EYS: variants seen among roughly 807,000 people sequenced by gnomAD.
EYS encodes the protein EGF-like photoreceptor maintenance factor.
In EYS, 250 loss-of-function variants were observed where a neutral mutation model predicts 282.1. The observed-to-expected ratio is 0.89, with a 90% CI of 0.80 to 0.98. The LOEUF is 0.98. Ranked by LOEUF, EYS falls within the 50% of genes least tolerant of loss-of-function variation. EYS has a pLI of 0.00. For missense variants in EYS, 4,016 were observed against 3,709.0 expected, an observed-to-expected ratio of 1.08 and a Z score of -2.15; for synonymous variants, 1,355 against 1,282.9, an observed-to-expected ratio of 1.06 and a Z score of -1.20.
At chr6:65,457,703 A>G (rs1764677772) in intron 5 of EYS, among the ~76,000 whole-genome samples, 1 of 152,190 alleles carries the variant, frequency 6.6e-6, no homozygotes, top group Non-Finnish European at 1.5e-5. Flanking sequence ...CTAATATGCT[A>G]CATTGTCACG....
At chr6:65,033,492 G>T (rs1346363661) in intron 13 of EYS, among the ~76,000 whole-genome samples, 1 of 152,116 alleles carries the variant, frequency 6.6e-6, no homozygotes, top group Non-Finnish European at 1.5e-5. Flanking sequence ...TTTTGAAGTT[G>T]CTCCCCATGT....
At chr6:64,767,941 A>G (rs1371579449) in intron 22 of EYS, among the ~76,000 whole-genome samples, 2 of 151,950 alleles carry the variant, frequency 1.3e-5, no homozygotes, top group African/African-American at 4.8e-5. Flanking sequence ...CCTTGCCATC[A>G]TTTGGTATTT....
chr6:64,472,067 T>C (rs1776138803), intron 26 of EYS, among the ~76,000 whole-genome samples: 1 of 152,228 alleles, frequency 6.6e-6, no homozygotes. Flanking sequence ...AGAGATTTCC[T>C]GTTTGCTTTA....
At chr6:64,437,508 G>A (rs924792455) in intron 27 of EYS, among the ~76,000 whole-genome samples, 90 of 151,768 alleles carry the variant, frequency 5.9e-4, no homozygotes, top group African/African-American at 2.1e-3. Flanking sequence ...TAGATGATCA[G>A]AGTTCAAAAC....
chr6:64,765,094 G>A (rs373429963), intron 22 of EYS, among the ~76,000 whole-genome samples: 46 of 152,260 alleles, frequency 3.0e-4, no homozygotes, highest in African/African-American at 1.1e-3. Flanking sequence ...TCACACATAT[G>A]AGCATATACT....
intron 33 of EYS, among the ~76,000 whole-genome samples, chr6:64,008,365 G>A (rs540738374): frequency 2.3e-4 from 35 of 152,242 alleles, no homozygotes; most frequent in Non-Finnish European, 4.3e-4. Context: ...GCTTATGGGT[G>A]TCCTTGCATA....
chr6:64,162,012 G>A (rs1220804101), intron 31 of EYS, among the ~76,000 whole-genome samples: 2 of 152,110 alleles, frequency 1.3e-5, no homozygotes. Flanking sequence ...ATAGGATAGG[G>A]ATAGGTTTAG....
chr6:65,480,059 G>A (rs1024271159), intron 5 of EYS, among the ~76,000 whole-genome samples: 3 of 151,978 alleles, frequency 2.0e-5, no homozygotes, highest in African/African-American at 7.3e-5. Flanking sequence ...CAGCTACTTG[G>A]GAGGCTGAGG....
intron 31 of EYS, among the ~76,000 whole-genome samples, chr6:64,094,731 G>C (rs1772520127): frequency 6.6e-6 from 1 of 152,006 alleles, no homozygotes; most frequent in Admixed American, 6.6e-5. Context: ...TTTTTTGAAG[G>C]GTTTTTTGTG....
intron 26 of EYS, among the ~76,000 whole-genome samples, chr6:64,554,058 A>G (rs599940): frequency 0.99 from 151,059 of 152,214 alleles, 74,963 homozygotes; most frequent in Middle Eastern, 1. Flanking sequence ...GGAATCACAC[A>G]CAGGATTTTT....
intron 22 of EYS, among the ~76,000 whole-genome samples, chr6:64,649,971 C>T (rs6902591): frequency 0.64 from 97,266 of 151,908 alleles, 31,360 homozygotes; most frequent in African/African-American, 0.71. Flanking sequence ...TTTAATAATT[C>T]CCCCAAACCA....
At chr6:63,731,001 CAG>C in intron 41 of EYS, among the ~76,000 whole-genome samples, 1 of 152,226 alleles carries the variant, frequency 6.6e-6, no homozygotes. Context: ...AGCCTGGTGA[CAG>C]AGCAAGACTC....
At chr6:64,998,360 C>T (rs1206859075) in intron 13 of EYS, among the ~76,000 whole-genome samples, 1 of 152,192 alleles carries the variant, frequency 6.6e-6, no homozygotes, top group African/African-American at 2.4e-5. Flanking sequence ...CAGTCAGTCC[C>T]TGAGTCCTTC....
intron 26 of EYS, among the ~76,000 whole-genome samples, chr6:64,522,487 G>A (rs983573061): frequency 2.6e-5 from 4 of 151,610 alleles, no homozygotes; most frequent in African/African-American, 7.3e-5. Flanking sequence ...TTAGATGAAG[G>A]GAATCCTAGG....
chr6:64,633,264 A>T (rs751969666), intron 22 of EYS, among the ~76,000 whole-genome samples: 6 of 152,182 alleles, frequency 3.9e-5, no homozygotes, highest in Non-Finnish European at 8.8e-5. Context: ...AGATTTAGGT[A>T]AAAAGGACAT....
At chr6:63,848,694 A>G (rs995716444) in intron 36 of EYS, among the ~76,000 whole-genome samples, 1 of 152,130 alleles carries the variant, frequency 6.6e-6, no homozygotes, top group East Asian at 1.9e-4. Flanking sequence ...CCCTCAGACC[A>G]GGAGATTCTC....
intron 22 of EYS, among the ~76,000 whole-genome samples, chr6:64,733,997 A>C (rs541200431): frequency 7.2e-5 from 11 of 152,238 alleles, no homozygotes; most frequent in African/African-American, 2.6e-4. Context: ...ACAAAATATG[A>C]TACCTTCAAT....
At chr6:65,205,452 A>G (rs1766011494) in intron 12 of EYS, among the ~76,000 whole-genome samples, 1 of 151,966 alleles carries the variant, frequency 6.6e-6, no homozygotes, top group Non-Finnish European at 1.5e-5. Context: ...GCAATACAAT[A>G]TTAATTGGGA....
At chr6:64,662,170 G>T (rs549179364) in intron 22 of EYS, among the ~76,000 whole-genome samples, 1 of 146,490 alleles carries the variant, frequency 6.8e-6, no homozygotes, top group African/African-American at 2.5e-5. Flanking sequence ...ACTCATAGGT[G>T]GGAACTGAAC....
Sources: gnomAD v4.1 joint callset for allele counts (sites outside exome capture counted in the v4.1 genomes callset) on GRCh38, gnomAD v4.1.1 for gene constraint, MANE v1.5 for transcripts, NCBI Gene and HGNC (gene_info 2026-07-23, HGNC 2026-07-21) for gene names.